The following MOV10L1 variants were observed in gnomAD, a reference collection of about 807,000 sequenced individuals.
MOV10L1 encodes RNA helicase Mov10l1.
Under a neutral mutation model 143.8 loss-of-function variants are expected in MOV10L1, and 110 were observed. The ratio of observed to expected loss-of-function variants is 0.76; its 90% CI spans 0.66 to 0.90. The LOEUF is 0.90. Ranked by LOEUF, MOV10L1 falls within the 40% of genes least tolerant of loss-of-function variation. The pLI, the probability that MOV10L1 is intolerant of heterozygous loss-of-function variation, is 0.00. For synonymous variants in MOV10L1, 593 were observed against 581.1 expected, an observed-to-expected ratio of 1.02 and a Z score of -0.29; for missense variants, 1,406 against 1,526.8, an observed-to-expected ratio of 0.92 and a Z score of 1.32.
intron 13 of MOV10L1, 123 bp downstream of exon 13, chr22:50,128,630 C>T (rs542744321): frequency 2.2e-5 from 13 of 595,756 alleles, no homozygotes; most frequent in Admixed American, 3.3e-5. Context: ...CTGCAACCTC[C>T]GCCTCCCAGG....
Position 50,123,776 on chromosome 22 carries a change from A to G in MOV10L1, c.1570-1616A>G, listed in dbSNP as rs142327510. On this transcript the variant is annotated intron_variant, in intron 10 of 26. Coordinates refer to ENST00000262794, the MANE Select transcript of MOV10L1 (RefSeq NM_018995.3). ...TTTGGTAGAATTTAGCTATGGAGCC[A>G]TCAGGTCCTGGGGTTTTCCTTTTCA... is the stretch of plus-strand genomic sequence containing the variant. Among the ~76,000 whole-genome samples, 22 of 152,350 alleles carry G rather than the reference A, an allele frequency of 1.4e-4. No homozygotes were observed. In the East Asian group the frequency reaches 4.0e-3, roughly 28 times the overall value.
chr22:50,106,238 G>A (rs953492575), intron 3 of MOV10L1, among the ~76,000 whole-genome samples: 13 of 151,414 alleles, frequency 8.6e-5, no homozygotes, highest in Non-Finnish European at 1.5e-5. Flanking sequence ...GCTCACTGCA[G>A]CCTGGAATTC....
chr22:50,099,400 T>C, intron 2 of MOV10L1, 43 bp from the exon 3 acceptor site: 1 of 1,589,296 alleles, frequency 6.3e-7, no homozygotes, highest in South Asian at 1.1e-5. Flanking sequence ...GCTTTTCTTG[T>C]AGTTCTCGTA....
At position 50,114,550 on chromosome 22, in the gene MOV10L1, A is replaced by C; in HGVS notation, c.1054A>C (p.Asn352His). 1.2e-6 allele frequency: 2 copies of C among 1,614,230 alleles called. No individual in the cohort carries two copies. Among genetic ancestry groups the C allele is most frequent in the Middle Eastern group, 1.6e-4 (1 of 6,062 alleles). Reference sequence around the variant, plus strand: ...ATCAGATGAAAATATTAATTCATTAAATAGCCACACAAAAAACAAAACCTC... The same window carrying C: ...ATCAGATGAAAATATTAATTCATTACATAGCCACACAAAAAACAAAACCTC... ...NSSDENINSLNSHTKNKTSQM... is the reference protein window; with the variant it reads ...NSSDENINSLHSHTKNKTSQM... The change falls in exon 7 of 27, where the codon AAT becomes CAT. Residue 352 changes from asparagine (N) to histidine (H), a missense_variant. Around this residue, in one of 3 missense-constraint regions of MOV10L1, gnomAD observed 1,233 missense variants for 1,351.4 expected, o/e 0.91. Coordinates refer to ENST00000262794, the MANE Select transcript of MOV10L1 (RefSeq NM_018995.3).
At chr22:50,138,426 C>T (rs1213175828) in intron 15 of MOV10L1, among the ~76,000 whole-genome samples, 4 of 151,916 alleles carry the variant, frequency 2.6e-5, no homozygotes, top group Non-Finnish European at 5.9e-5. Flanking sequence ...GGCATGGTGG[C>T]ACACACCTGT....
At chr22:50,160,660 A>G (rs773947137) in intron 24 of MOV10L1, 28 bp from the exon 25 acceptor site, 4 of 1,593,318 alleles carry the variant, frequency 2.5e-6, no homozygotes, top group South Asian at 2.3e-5. Flanking sequence ...TTCAAGTGCC[A>G]TTTTTATTCA....
At chr22:50,128,667 C>T (rs1300139623) in intron 13 of MOV10L1, among the ~76,000 whole-genome samples, 160 bp downstream of exon 13, 3 of 151,688 alleles carry the variant, frequency 2.0e-5, no homozygotes, top group African/African-American at 7.3e-5. Context: ...GCCTCGGCCT[C>T]CCAAGTAGCT....
chr22:50,102,012 A>G (rs1203646993), intron 3 of MOV10L1, among the ~76,000 whole-genome samples: 1 of 152,160 alleles, frequency 6.6e-6, no homozygotes, highest in East Asian at 1.9e-4. Context: ...AAAACCAGAA[A>G]TGTTTGATGT....
Position 50,159,761 on chromosome 22 carries a change from G to A in MOV10L1, c.3300G>A (p.Glu1100=), listed in dbSNP as rs772879398. The change falls in exon 24 of 27, where the codon GAG becomes GAA. Residue 1100 remains glutamate, a synonymous_variant. Coordinates refer to ENST00000262794, the MANE Select transcript of MOV10L1 (RefSeq NM_018995.3). This position sits in a 1 kb window ranked among gnomAD's most constrained non-coding sequence, Gnocchi z 4.1. ...CAGTAGAGGAGTTTCAAGGACAAGA[G>A]TATCTGGTCATCATCATTTCGACCG... is the stretch of plus-strand genomic sequence containing the variant. The part of the protein sequence containing the change: ...VGSVEEFQGQ[E]YLVIIISTVR... The A allele has an allele frequency of 5.8e-5, 94 of 1,612,228 alleles. No homozygotes were observed. In the South Asian group the frequency reaches 1.0e-3, roughly 18 times the overall value.
intron 9 of MOV10L1, among the ~76,000 whole-genome samples, chr22:50,117,668 C>G (rs542604559): frequency 4.1e-4 from 63 of 152,328 alleles, no homozygotes; most frequent in African/African-American, 1.5e-3. Flanking sequence ...TCACCCAGCT[C>G]CTGCCACCTC....
Position 50,118,006 on chromosome 22 carries a change from A to G in MOV10L1, c.1454+655A>G, listed in dbSNP as rs566360932. ...ATGTGACTTTTCCTCCATCGGCTAT[A>G]ATAACTGATGGGTTTGAGCTCTGCT... On this transcript the variant is annotated intron_variant, in intron 9 of 26. Coordinates refer to ENST00000262794, the MANE Select transcript of MOV10L1 (RefSeq NM_018995.3). 3.9e-5 allele frequency among the ~76,000 whole-genome samples: 6 copies of G among 152,300 alleles called. No homozygotes were observed. The East Asian group carries it at 1.2e-3, about 29-fold the overall frequency.
Position 50,149,603 on chromosome 22 carries a change from TCTTTG to T in MOV10L1, c.2628-9_2628-5del. 6.2e-7 allele frequency: 1 copy of T among 1,613,194 alleles called. No homozygotes were observed. The highest frequency in any genetic ancestry group is 8.5e-7 in the Non-Finnish European group (1 of 1,179,242). On this transcript the variant is annotated splice_region_variant and splice_polypyrimidine_tract_variant and intron_variant, in intron 19 of 26. Transcript: ENST00000262794. ...TCGGCAGAAATTACCATTTAGAACA[TCTTTG>T]CTCTAGAGTTGGGCACTTCACTCAC...
intron 24 of MOV10L1, among the ~76,000 whole-genome samples, chr22:50,160,320 C>A (rs1372465114): frequency 1.3e-5 from 2 of 150,522 alleles, no homozygotes; most frequent in African/African-American, 4.9e-5. Flanking sequence ...GATCTCGGCT[C>A]ACTGCAAGCT....
intron 26 of MOV10L1, 116 bp downstream of exon 26, chr22:50,161,171 G>T: frequency 8.5e-7 from 1 of 1,173,816 alleles, no homozygotes; most frequent in African/African-American, 1.5e-5. Flanking sequence ...TTAGCCCTCT[G>T]CCGGCCACCG....
At chr22:50,128,606 G>A (rs533667933) in intron 13 of MOV10L1, 99 bp downstream of exon 13, 20 of 653,420 alleles carry the variant, frequency 3.1e-5, no homozygotes, top group South Asian at 8.6e-5. Flanking sequence ...TTTCAGTGGC[G>A]CAATCTCGGC....
intron 14 of MOV10L1, 58 bp downstream of exon 14, chr22:50,134,123 A>C: frequency 1.4e-6 from 2 of 1,415,574 alleles, no homozygotes; most frequent in Non-Finnish European, 1.9e-6. Context: ...TATAGGCTTC[A>C]TGTAAAATTT....
intron 7 of MOV10L1, 82 bp from the exon 8 acceptor site, chr22:50,115,032 A>G (rs1190667079): frequency 1.4e-6 from 2 of 1,408,204 alleles, no homozygotes; most frequent in Non-Finnish European, 1.9e-6. Context: ...GTGAGAGAGT[A>G]TTCATTTCCA....
chr22:50,150,769 C>A lies in MOV10L1; in HGVS notation c.2762C>A (p.Pro921Gln). 6.2e-7 allele frequency: 1 copy of A among 1,614,122 alleles called. No homozygotes were observed. The highest frequency in any genetic ancestry group is 8.5e-7 in the Non-Finnish European group (1 of 1,180,032). ...VLAGDPMQLG[P>Q]VIKSRLAMAY... The stretch of plus-strand genomic sequence containing the variant: ...GCAGGAGACCCCATGCAGCTCGGCC[C>A]AGTCATTAAGTCCAGACTCGCCATG... Residue 921 changes from proline to glutamine, a missense_variant, in exon 21 of 27, where the codon CCA (proline) becomes CAA (glutamine). Around this residue, in one of 3 missense-constraint regions of MOV10L1, gnomAD observed 1,233 missense variants for 1,351.4 expected, o/e 0.91. Coordinates refer to ENST00000262794, the MANE Select transcript of MOV10L1 (RefSeq NM_018995.3).
At chr22:50,155,263 G>GTTT (rs199534596) in intron 22 of MOV10L1, among the ~76,000 whole-genome samples, 27 of 137,840 alleles carry the variant, frequency 2.0e-4, no homozygotes, top group African/African-American at 3.5e-4. Flanking sequence ...TGTTTTGTGG[G>GTTT]TTTTTTTTTT....
Sources: allele counts gnomAD v4.1 joint callset (sites outside exome capture counted in the v4.1 genomes callset), GRCh38; gene constraint gnomAD v4.1.1; regional missense constraint gnomAD v4.1.1; non-coding constraint Gnocchi (gnomAD v3.1); transcripts MANE v1.5; gene names NCBI Gene and HGNC (gene_info 2026-07-23, HGNC 2026-07-21).